The following DNER variants were observed in gnomAD, a reference collection of about 807,000 sequenced individuals.
DNER encodes delta/notch like EGF repeat containing, also known as delta and Notch-like epidermal growth factor-related receptor.
A neutral mutation model predicts 78.2 loss-of-function variants in DNER; 33 were observed. The ratio of observed to expected loss-of-function variants is 0.42; its 90% CI spans 0.32 to 0.56. The LOEUF (loss-of-function observed/expected upper bound fraction) is 0.56. DNER is among the 20% of genes least tolerant of loss of function. DNER has a pLI of 0.11. For synonymous variants in DNER, 417 were observed against 384.8 expected (o/e 1.08, Z -0.98); for missense variants, 918 against 975.3 (o/e 0.94, Z 0.78).
chr2:229,560,402 A>G (rs548443928), intron 4 of DNER, among the ~76,000 whole-genome samples: 1 of 152,322 alleles, frequency 6.6e-6, no homozygotes, highest in East Asian at 1.9e-4. Flanking sequence ...AATGGTTCAC[A>G]GTCCACAAAG....
chr2:229,480,090 C>T (rs929847119), intron 6 of DNER, among the ~76,000 whole-genome samples: 3 of 152,216 alleles, frequency 2.0e-5, no homozygotes, highest in African/African-American at 7.2e-5. Flanking sequence ...ATGCAGGACT[C>T]TGTGAACTTC....
chr2:229,554,417 C>A (rs983760998), intron 4 of DNER, among the ~76,000 whole-genome samples: 1 of 152,154 alleles, frequency 6.6e-6, no homozygotes, highest in Non-Finnish European at 1.5e-5. Flanking sequence ...AATGGCCAGG[C>A]ATGATGGCTC....
At chr2:229,592,003 G>T in intron 1 of DNER, 115 bp from the exon 2 acceptor site, 1 of 1,315,610 alleles carries the variant, frequency 7.6e-7, no homozygotes, top group South Asian at 1.6e-5. Context: ...CTGTTCCTGT[G>T]GAATACACTC....
chr2:229,557,278 A>G (rs1479805441), intron 4 of DNER, among the ~76,000 whole-genome samples: 2 of 152,262 alleles, frequency 1.3e-5, no homozygotes, highest in African/African-American at 4.8e-5. Context: ...TAAGAAATGC[A>G]GAGCACATGC....
intron 1 of DNER, among the ~76,000 whole-genome samples, chr2:229,707,332 G>A (rs1286846146): frequency 6.6e-6 from 1 of 152,048 alleles, no homozygotes; most frequent in Non-Finnish European, 1.5e-5. Flanking sequence ...ACAGCACCTG[G>A]CCACAGAAAA....
chr2:229,398,515 C>G (rs1693198984), intron 10 of DNER, among the ~76,000 whole-genome samples: 1 of 152,056 alleles, frequency 6.6e-6, no homozygotes, highest in Non-Finnish European at 1.5e-5. Context: ...AGTTTTACTT[C>G]AATACCAAAA....
chr2:229,713,970 T>G (rs1699950450), intron 1 of DNER, among the ~76,000 whole-genome samples, 178 bp downstream of exon 1: 1 of 151,920 alleles, frequency 6.6e-6, no homozygotes, highest in Admixed American at 6.5e-5. Flanking sequence ...GGTAAGGGAA[T>G]CAGGGTCGGC....
intron 8 of DNER, among the ~76,000 whole-genome samples, chr2:229,443,459 G>A (rs1432345881): frequency 2.0e-5 from 3 of 152,146 alleles, no homozygotes; most frequent in South Asian, 2.1e-4. Flanking sequence ...TTAAGAGAAC[G>A]GGTAGCCTAT....
rs537009362 is a variant in DNER, at chr2:229,434,929, C to T, written c.1486+12387G>A. 3.1e-3 allele frequency among the ~76,000 whole-genome samples: 434 copies of T among 141,376 alleles called. 3 individuals carry two copies. Among genetic ancestry groups the T allele is most frequent in the Non-Finnish European group, 3.7e-3 (239 of 64,006 alleles). 92.7% of individuals were successfully genotyped at this position (141,376 alleles called of 152,430 possible). Reference sequence around the variant, plus strand: ...CAATTTATATATATATATATATACACACACACACACACACACACACGTGCA... The same window carrying T: ...CAATTTATATATATATATATATACATACACACACACACACACACACGTGCA... On this transcript the variant is annotated intron_variant, in intron 8 of 12. Coordinates refer to ENST00000341772, the MANE Select transcript of DNER (RefSeq NM_139072.4).
At chr2:229,703,630 G>C (rs1699785209) in intron 1 of DNER, among the ~76,000 whole-genome samples, 1 of 152,200 alleles carries the variant, frequency 6.6e-6, no homozygotes, top group Non-Finnish European at 1.5e-5. Flanking sequence ...TGTAGTCCTA[G>C]CACTTTGAGA....
chr2:229,658,577 A>T (rs550914111), intron 1 of DNER, among the ~76,000 whole-genome samples: 1 of 152,360 alleles, frequency 6.6e-6, no homozygotes, highest in East Asian at 1.9e-4. Flanking sequence ...GTAAGACTTT[A>T]TTAAGCACTC....
intron 4 of DNER, among the ~76,000 whole-genome samples, chr2:229,561,147 T>C (rs968015482): frequency 6.6e-6 from 1 of 152,198 alleles, no homozygotes; most frequent in Non-Finnish European, 1.5e-5. Context: ...TCATTTTCTC[T>C]GGGTTCCTAA....
intron 10 of DNER, among the ~76,000 whole-genome samples, chr2:229,399,303 T>TAC (rs35817615): frequency 0.42 from 63,452 of 149,552 alleles, 13,807 homozygotes; most frequent in Non-Finnish European, 0.48. Flanking sequence ...AAATACACCA[T>TAC]ACACACACAC....
At chr2:229,435,668 T>A (rs1694108228) in intron 8 of DNER, among the ~76,000 whole-genome samples, 1 of 152,232 alleles carries the variant, frequency 6.6e-6, no homozygotes, top group Non-Finnish European at 1.5e-5. Flanking sequence ...ATTGGGCTTA[T>A]CCAATCTAAA....
intron 6 of DNER, among the ~76,000 whole-genome samples, chr2:229,488,168 G>C (rs767477602): frequency 1.3e-5 from 2 of 152,186 alleles, no homozygotes; most frequent in Non-Finnish European, 2.9e-5. Flanking sequence ...ATGGGGAGTG[G>C]GCAATGCCCT....
intron 1 of DNER, among the ~76,000 whole-genome samples, chr2:229,592,191 G>T (rs1002399912): frequency 1.3e-5 from 2 of 152,124 alleles, no homozygotes; most frequent in African/African-American, 4.8e-5. Flanking sequence ...ATTTTCTAGG[G>T]CAAAAATAGT....
At chr2:229,452,351 A>G (rs960545776) in intron 7 of DNER, among the ~76,000 whole-genome samples, 1 of 152,202 alleles carries the variant, frequency 6.6e-6, no homozygotes, top group African/African-American at 2.4e-5. Context: ...GAGACGACAG[A>G]GCCCAGAGAC....
chr2:229,512,753 T>C, intron 6 of DNER, 30 bp downstream of exon 6: 2 of 1,613,526 alleles, frequency 1.2e-6, no homozygotes. Flanking sequence ...GACATACACC[T>C]AATAACTGAA....
intron 11 of DNER, among the ~76,000 whole-genome samples, chr2:229,375,696 C>G (rs770080140): frequency 6.6e-6 from 1 of 152,104 alleles, no homozygotes; most frequent in Non-Finnish European, 1.5e-5. Flanking sequence ...ATGCAAAAAC[C>G]CTTTGACAAT....
Sources: gnomAD v4.1 joint callset for allele counts (sites outside exome capture counted in the v4.1 genomes callset) on GRCh38, gnomAD v4.1.1 for gene constraint, MANE v1.5 for transcripts, NCBI Gene and HGNC (gene_info 2026-07-23, HGNC 2026-07-21) for gene names.